MARCHF10: variants seen among roughly 807,000 people sequenced by gnomAD.
MARCHF10 encodes membrane associated ring-CH-type finger 10.
Under a neutral mutation model 76.2 loss-of-function variants are expected in MARCHF10, and 64 were observed. That is an observed-to-expected ratio of 0.84 (90% CI 0.69 to 1.03). The LOEUF (loss-of-function observed/expected upper bound fraction) is 1.03, where lower values mean the gene tolerates loss of function less well. Among genes scored for constraint, MARCHF10 ranks in the 50% least tolerant of loss-of-function variants. MARCHF10 has a pLI of 0.00. For synonymous variants in MARCHF10, 340 were observed against 357.5 expected (o/e 0.95, Z 0.55); for missense variants, 875 against 958.0 (o/e 0.91, Z 1.14).
chr17:62,719,116 T>C (rs2090360337), intron 8 of MARCHF10, among the ~76,000 whole-genome samples: 1 of 152,232 alleles, frequency 6.6e-6, no homozygotes, highest in African/African-American at 2.4e-5. Context: ...ATTGACTGCT[T>C]ATAAAGTGGA....
intron 3 of MARCHF10, among the ~76,000 whole-genome samples, chr17:62,781,258 C>T (rs903425397): frequency 5.9e-5 from 9 of 152,176 alleles, no homozygotes; most frequent in African/African-American, 2.2e-4. Context: ...CCTTCTCCTC[C>T]ACCAATACCT....
rs764340996 is a variant in MARCHF10, at chr17:62,737,270, T to G, written c.598A>C (p.Arg200=). The G allele has an allele frequency of 6.2e-7, 1 of 1,613,722 alleles. No individual in the cohort carries two copies. Among genetic ancestry groups the G allele is most frequent in the East Asian group, 2.2e-5 (1 of 44,880 alleles). ...NTKLKRPNQE[R]RNLVPSSQPM... is the part of the protein sequence containing the mutation. ...TGTGACGATGGGACCAAGTTTCTTC[T>G]CTCTTGATTTGGCCTCTTCAGCTTA... The change falls in exon 6 of 11, where the codon AGA becomes CGA. Residue 200 remains arginine, a synonymous_variant. Transcript: ENST00000311269.
At chr17:62,798,396 G>GGA (rs2093019328) in intron 2 of MARCHF10, among the ~76,000 whole-genome samples, 1 of 150,850 alleles carries the variant, frequency 6.6e-6, no homozygotes, top group Non-Finnish European at 1.5e-5. Flanking sequence ...GGCTGAGACA[G>GGA]GAGGATGACC....
At chr17:62,774,192 T>C (rs1476408547) in intron 3 of MARCHF10, among the ~76,000 whole-genome samples, 1 of 152,064 alleles carries the variant, frequency 6.6e-6, no homozygotes, top group Non-Finnish European at 1.5e-5. Flanking sequence ...ATGAAATTCT[T>C]TTGGGCGATG....
chr17:62,802,160 G>A (rs1378888653), intron 1 of MARCHF10, among the ~76,000 whole-genome samples: 1 of 152,120 alleles, frequency 6.6e-6, no homozygotes, highest in Non-Finnish European at 1.5e-5. Flanking sequence ...TTCCATCCAG[G>A]GACTGTGCTG....
chr17:62,794,234 T>C (rs1157003571), intron 2 of MARCHF10, among the ~76,000 whole-genome samples: 1 of 149,416 alleles, frequency 6.7e-6, no homozygotes, highest in East Asian at 2.0e-4. Flanking sequence ...CACCACCACA[T>C]CACCACCAAA....
chr17:62,741,666 TA>T (rs893218817), intron 5 of MARCHF10, among the ~76,000 whole-genome samples: 23 of 152,278 alleles, frequency 1.5e-4, no homozygotes, highest in South Asian at 6.2e-4. Context: ...AGATGAACTT[TA>T]AAAAAATGTT....
rs1266803088 is a variant in MARCHF10, at chr17:62,737,111, C to A, written c.757G>T (p.Gly253Trp). The part of the protein sequence containing the change: ...NSPQVLSEFS[G>W]PPLTPTTVGG... Reference sequence around the variant, plus strand: ...ACAGTGGTGGGTGTGAGTGGTGGCCCCGAGAACTCACTCAATACTTGAGGA... The same window carrying A: ...ACAGTGGTGGGTGTGAGTGGTGGCCACGAGAACTCACTCAATACTTGAGGA... The change falls in exon 6 of 11, where the codon GGG (glycine) becomes TGG (tryptophan). Residue 253 changes from glycine to tryptophan, a missense_variant. Gly to Trp is a radical substitution (Grantham distance 184, BLOSUM62 -2). Transcript: ENST00000311269. 1 of 1,613,948 alleles carries A rather than the reference C, an allele frequency of 6.2e-7. No homozygotes were observed. The highest frequency in any genetic ancestry group is 8.5e-7 in the Non-Finnish European group (1 of 1,180,044).
At chr17:62,702,510 C>CA (rs1219302344) in intron 10 of MARCHF10, among the ~76,000 whole-genome samples, 4 of 151,738 alleles carry the variant, frequency 2.6e-5, no homozygotes, top group Non-Finnish European at 5.9e-5. Context: ...ACTTAAAATA[C>CA]AAAAAATTAG....
intron 8 of MARCHF10, among the ~76,000 whole-genome samples, chr17:62,716,226 C>T (rs934324893): frequency 6.6e-6 from 1 of 152,114 alleles, no homozygotes; most frequent in Non-Finnish European, 1.5e-5. Context: ...TAGGGCCCTG[C>T]GGGTCTTGGG....
At chr17:62,803,481 G>A (rs2093111302) in intron 1 of MARCHF10, among the ~76,000 whole-genome samples, 1 of 151,896 alleles carries the variant, frequency 6.6e-6, no homozygotes, top group Non-Finnish European at 1.5e-5. Flanking sequence ...AGGAGGAGGA[G>A]GTGGAGGACA....
chr17:62,753,067 G>A (rs1302109551), intron 4 of MARCHF10, among the ~76,000 whole-genome samples: 3 of 151,996 alleles, frequency 2.0e-5, no homozygotes, highest in Non-Finnish European at 4.4e-5. Flanking sequence ...CTAATTTGTA[G>A]CCTGACCCTA....
rs560949514 is a variant in MARCHF10 at position 62,782,218 on chromosome 17, C to T, written c.210+6262G>A. On this transcript the variant is annotated intron_variant, in intron 3 of 10. Coordinates refer to ENST00000311269, the MANE Select transcript of MARCHF10 (RefSeq NM_152598.4). Reference sequence around the variant, plus strand: ...TGAGACATGCCAGCCTTCTTATTCACAGCTTCCCTTGAGAGACTAGCTCCA... The same window carrying T: ...TGAGACATGCCAGCCTTCTTATTCATAGCTTCCCTTGAGAGACTAGCTCCA... Among the ~76,000 whole-genome samples the T allele has an allele frequency of 1.6e-4, 24 of 152,218 alleles. 1 individual carries two copies. The South Asian group carries it at 5.0e-3, about 32-fold the overall frequency.
intron 4 of MARCHF10, among the ~76,000 whole-genome samples, chr17:62,748,558 G>A (rs1208768423): frequency 1.3e-5 from 2 of 152,140 alleles, no homozygotes; most frequent in South Asian, 2.1e-4. Context: ...GCAACAAAGT[G>A]AGACTCCTGT....
chr17:62,779,685 C>A (rs2092621183), intron 3 of MARCHF10, among the ~76,000 whole-genome samples: 1 of 152,224 alleles, frequency 6.6e-6, no homozygotes, highest in Non-Finnish European at 1.5e-5. Flanking sequence ...GGAAACAAAA[C>A]CCTTCCCTGG....
chr17:62,769,799 T>A (rs190961773), intron 3 of MARCHF10, among the ~76,000 whole-genome samples: 20 of 152,368 alleles, frequency 1.3e-4, no homozygotes, highest in Admixed American at 8.5e-4. Context: ...TTTTTCTTTT[T>A]ATTATCATTG....
At chr17:62,708,243 C>CTTT (rs60147578) in intron 9 of MARCHF10, among the ~76,000 whole-genome samples, 10 of 144,566 alleles carry the variant, frequency 6.9e-5, no homozygotes, top group Non-Finnish European at 9.1e-5. Context: ...AAAGTAGGTT[C>CTTT]TTTTTTTTTT....
intron 8 of MARCHF10, among the ~76,000 whole-genome samples, chr17:62,716,052 C>A (rs1350952984): frequency 6.6e-6 from 1 of 152,206 alleles, no homozygotes; most frequent in African/African-American, 2.4e-5. Flanking sequence ...AGAAGGCCCG[C>A]TCCTCTCTTT....
At chr17:62,717,588 G>A (rs2090277191) in intron 8 of MARCHF10, among the ~76,000 whole-genome samples, 2 of 152,344 alleles carry the variant, frequency 1.3e-5, no homozygotes, top group African/African-American at 2.4e-5. Context: ...AGACCCGAGG[G>A]CGGAGGAGGG....
Sources: allele counts gnomAD v4.1 joint callset (sites outside exome capture counted in the v4.1 genomes callset), GRCh38; gene constraint gnomAD v4.1.1; transcripts MANE v1.5; gene names NCBI Gene and HGNC (gene_info 2026-07-23, HGNC 2026-07-21).